Variants in RAB33B observed in about 807,000 individuals in gnomAD.
The protein encoded by RAB33B is RAB33B, member RAS oncogene family.
In RAB33B, 6 loss-of-function variants were observed where a neutral mutation model predicts 15.0. The ratio of observed to expected loss-of-function variants is 0.40; its 90% CI spans 0.22 to 0.79. The LOEUF is 0.79. Among genes scored for constraint, RAB33B ranks in the 30% least tolerant of loss-of-function variants. RAB33B has a pLI of 0.37. For missense variants in RAB33B, 257 were observed against 296.4 expected (o/e 0.87, Z 0.98); for synonymous variants, 117 against 108.3 (o/e 1.08, Z -0.50).
chr4:139,454,092 G>A (rs1750010022), upstream of RAB33B: 7 of 1,372,442 alleles, frequency 5.1e-6, no homozygotes, highest in Non-Finnish European at 6.8e-6. Context: ...CTGGGAAGTT[G>A]CGCAGCCGAA....
At chr4:139,451,912 C>T (rs1215701693), upstream of RAB33B, 1 of 152,206 alleles carries the variant, frequency 6.6e-6, no homozygotes, top group African/African-American at 2.4e-5. Flanking sequence ...AAAAACAGGG[C>T]TGTATAATCC....
rs1475188157 is a variant in RAB33B, at chr4:139,476,583, C to T, written c.*3457C>T. On this transcript the variant is annotated 3_prime_UTR_variant, in exon 2 of 2. Coordinates refer to ENST00000305626, the MANE Select transcript of RAB33B (RefSeq NM_031296.3). The stretch of plus-strand genomic sequence containing the variant: ...ATTTATCAAGTATGGGTCATGTGTT[C>T]TCTATTTGTGTTAGTGGAGCTACAT... 2.6e-5 allele frequency: 4 copies of T among 152,204 alleles called. No homozygotes were observed. Among genetic ancestry groups the T allele is most frequent in the Non-Finnish European group, 5.9e-5 (4 of 68,044 alleles). The allele number at this position is 152,204 out of a possible 1,614,324, so 9.4% of individuals were successfully genotyped here. A position where few individuals can be genotyped will look rare whatever the true frequency, so the allele number is the denominator to read the frequency against.
At chr4:139,456,706 A>G (rs938087765) in intron 1 of RAB33B, among the ~76,000 whole-genome samples, 1 of 152,256 alleles carries the variant, frequency 6.6e-6, no homozygotes, top group Non-Finnish European at 1.5e-5. Flanking sequence ...TGTGCCACCA[A>G]TGGTGAGACT....
At chr4:139,459,323 G>A (rs906461717) in intron 1 of RAB33B, among the ~76,000 whole-genome samples, 3 of 151,916 alleles carry the variant, frequency 2.0e-5, no homozygotes, top group African/African-American at 7.3e-5. Flanking sequence ...TGCAGTCCCC[G>A]CTGCTCAGGA....
chr4:139,443,522 A>G, the RAB33B span, among the ~76,000 whole-genome samples: 1 of 152,206 alleles, frequency 6.6e-6, no homozygotes, highest in Non-Finnish European at 1.5e-5. Context: ...CTCAAATCTA[A>G]GACTGTCCTA....
the RAB33B span, among the ~76,000 whole-genome samples, chr4:139,442,359 A>T: frequency 6.6e-6 from 1 of 152,190 alleles, no homozygotes; most frequent in Non-Finnish European, 1.5e-5. Context: ...AATGGTATAT[A>T]ATCAAACAAT....
intron 1 of RAB33B, among the ~76,000 whole-genome samples, chr4:139,462,317 T>G (rs1750189950): frequency 6.6e-6 from 1 of 152,044 alleles, no homozygotes. Context: ...CCTCCCAAAG[T>G]GCTGGGATTA....
chr4:139,465,249 T>C (rs1750260500), intron 1 of RAB33B, among the ~76,000 whole-genome samples: 1 of 152,236 alleles, frequency 6.6e-6, no homozygotes, highest in Non-Finnish European at 1.5e-5. Flanking sequence ...TGATTTTTTC[T>C]TGTAAATTTG....
chr4:139,464,015 A>G (rs944700564), intron 1 of RAB33B, among the ~76,000 whole-genome samples: 12 of 152,340 alleles, frequency 7.9e-5, no homozygotes, highest in South Asian at 6.2e-4. Flanking sequence ...GCTTTTGCCT[A>G]TAATCCCAAA....
At chr4:139,450,495 G>T (rs1443041576), upstream of RAB33B, 8 of 152,240 alleles carry the variant, frequency 5.3e-5, no homozygotes, top group East Asian at 7.9e-4. Context: ...GGAGGAGGGA[G>T]GGAGAGGATT....
the RAB33B span, among the ~76,000 whole-genome samples, chr4:139,441,702 CTG>C: frequency 6.6e-6 from 1 of 152,190 alleles, no homozygotes; most frequent in Admixed American, 6.5e-5. Flanking sequence ...CATAACCTCA[CTG>C]TAAGTCGAGA....
rs947906247 is a variant in RAB33B at position 139,458,729 on chromosome 4, G to T, written c.249+4285G>T. The stretch of plus-strand genomic sequence containing the variant: ...GTGCTGTCATGAACATACATGTGTA[G>T]ATGTCTTTATGACAGAATGATTTAT... On this transcript the variant is annotated intron_variant, in intron 1 of 1. Transcript: ENST00000305626. Among the ~76,000 whole-genome samples the T allele has an allele frequency of 3.3e-5, 5 of 152,190 alleles. No individual in the cohort carries two copies. In the East Asian group the frequency reaches 7.7e-4, roughly 23 times the overall value.
intron 1 of RAB33B, among the ~76,000 whole-genome samples, chr4:139,465,728 T>G (rs1750271676): frequency 6.7e-6 from 1 of 149,454 alleles, no homozygotes; most frequent in Non-Finnish European, 1.5e-5. Flanking sequence ...TCTTCTTTTT[T>G]TTTTTTTTTT....
the RAB33B span, among the ~76,000 whole-genome samples, chr4:139,447,658 C>CTT: frequency 9.4e-3 from 805 of 85,726 alleles, 84 homozygotes; most frequent in East Asian, 0.054. Flanking sequence ...CAGTCTACTA[C>CTT]TTTTTTTTTT....
chr4:139,460,899 A>G (rs570073750), intron 1 of RAB33B, among the ~76,000 whole-genome samples: 7 of 152,304 alleles, frequency 4.6e-5, no homozygotes, highest in Admixed American at 4.6e-4. Flanking sequence ...TTGTTTTTCT[A>G]GCCTGATTTC....
At chr4:139,446,631 G>A in the RAB33B span, among the ~76,000 whole-genome samples, 1 of 152,358 alleles carries the variant, frequency 6.6e-6, no homozygotes, top group South Asian at 2.1e-4. Context: ...TCACCAATGG[G>A]TGATCTCAGC....
At chr4:139,453,509 A>G (rs936269424), upstream of RAB33B, 1 of 152,338 alleles carries the variant, frequency 6.6e-6, no homozygotes, top group African/African-American at 2.4e-5. Context: ...CGTCCCACCC[A>G]TCTAGCCCTG....
upstream of RAB33B, chr4:139,453,492 G>A (rs1329279821): frequency 1.3e-5 from 2 of 152,408 alleles, no homozygotes; most frequent in African/African-American, 4.8e-5. Flanking sequence ...CTTTCGGCGA[G>A]GACTCGCGTC....
At chr4:139,439,126 G>T in the RAB33B span, among the ~76,000 whole-genome samples, 1 of 152,030 alleles carries the variant, frequency 6.6e-6, no homozygotes, top group Admixed American at 6.6e-5. Context: ...CATTCTCCTG[G>T]AGTAGCTGGG....
Sources: allele counts gnomAD v4.1 joint callset (sites outside exome capture counted in the v4.1 genomes callset), GRCh38; gene constraint gnomAD v4.1.1; transcripts MANE v1.5; gene names NCBI Gene and HGNC (gene_info 2026-07-23, HGNC 2026-07-21).